BMPR1A: variants seen among roughly 807,000 people sequenced by gnomAD.
BMPR1A encodes the protein bone morphogenetic protein receptor type 1A, also known as bone morphogenetic protein receptor type-1A.
BMPR1A carries 7 observed loss-of-function variants against 66.0 expected under a neutral mutation model. The observed-to-expected ratio is 0.11, with a 90% CI of 0.06 to 0.20. The LOEUF is 0.20. BMPR1A is among the 10% of genes least tolerant of loss of function. BMPR1A has a pLI of 1.00. For synonymous variants in BMPR1A, 200 were observed against 229.7 expected (o/e 0.87, Z 1.17); for missense variants, 408 against 669.1 (o/e 0.61, Z 4.31).
intron 2 of BMPR1A, among the ~76,000 whole-genome samples, chr10:86,874,171 G>T (rs1404843020): frequency 6.6e-6 from 1 of 152,082 alleles, no homozygotes; most frequent in Non-Finnish European, 1.5e-5. Context: ...AAAGTAGAAT[G>T]ATATATATCT....
At position 86,814,934 on chromosome 10, in the gene BMPR1A, C is replaced by T. The variant is rs561740925; in HGVS notation, c.-267-23931C>T. ...CCGAGTAGCTGGGACTATAGGTGCG[C>T]GCCACCATGCTCGGCTAATTTTTGT... On this transcript the variant is annotated intron_variant, in intron 1 of 12. Transcript: ENST00000372037. Among the ~76,000 whole-genome samples the T allele has an allele frequency of 2.1e-4, 32 of 152,114 alleles. No homozygotes were observed. The South Asian group carries it at 5.6e-3, about 27-fold the overall frequency.
At chr10:86,799,506 CTTTCT>C (rs145820527) in intron 1 of BMPR1A, among the ~76,000 whole-genome samples, 5,605 of 64,264 alleles carry the variant, frequency 0.087, 304 homozygotes, top group East Asian at 0.26. Flanking sequence ...TCCTTCCTTC[CTTTCT>C]TTTCTTTTCT....
At chr10:86,792,615 G>A (rs1841643820) in intron 1 of BMPR1A, among the ~76,000 whole-genome samples, 1 of 152,136 alleles carries the variant, frequency 6.6e-6, no homozygotes, top group Non-Finnish European at 1.5e-5. Context: ...GGGCAACATA[G>A]GGAGAATCTG....
intron 1 of BMPR1A, among the ~76,000 whole-genome samples, chr10:86,820,541 C>T (rs1842107815): frequency 6.6e-6 from 1 of 152,146 alleles, no homozygotes. Context: ...TGAGACCTCC[C>T]TCTCATTATC....
chr10:86,863,583 C>T (rs1269712367), intron 2 of BMPR1A, among the ~76,000 whole-genome samples: 1 of 152,100 alleles, frequency 6.6e-6, no homozygotes, highest in East Asian at 1.9e-4. Flanking sequence ...TCGATGTCTC[C>T]CGGGATCTGG....
chr10:86,777,971 C>G (rs1314340077), intron 1 of BMPR1A, among the ~76,000 whole-genome samples: 3 of 150,956 alleles, frequency 2.0e-5, no homozygotes, highest in African/African-American at 7.3e-5. Context: ...CAAGATGGTG[C>G]CATTGCACTC....
chr10:86,760,736 C>G lies in BMPR1A; in HGVS notation c.-268+3817C>G, dbSNP rs1841039811. On this transcript the variant is annotated intron_variant, in intron 1 of 12. Transcript: ENST00000372037. ...AGAGAAAGGAAAATGGGTTTCCTAT[C>G]ACACTAAATTTTGAAGTAGGAACCA... Among the ~76,000 whole-genome samples, 5 of 152,254 alleles carry G rather than the reference C, an allele frequency of 3.3e-5. No individual in the cohort carries two copies. The South Asian group carries it at 1.0e-3, about 32-fold the overall frequency.
At chr10:86,929,632 G>A (rs1190024947), downstream of BMPR1A, 3 of 152,192 alleles carry the variant, frequency 2.0e-5, no homozygotes, top group African/African-American at 7.2e-5. Context: ...GTCATTGTAA[G>A]TTTCTCAGAA....
intron 1 of BMPR1A, among the ~76,000 whole-genome samples, chr10:86,805,606 C>T (rs964940099): frequency 2.0e-5 from 3 of 151,868 alleles, no homozygotes; most frequent in South Asian, 2.1e-4. Flanking sequence ...GGACTACAGG[C>T]GCGTGCCACC....
At chr10:86,793,433 G>A (rs536213611) in intron 1 of BMPR1A, among the ~76,000 whole-genome samples, 39 of 150,418 alleles carry the variant, frequency 2.6e-4, no homozygotes, top group African/African-American at 4.2e-4. Flanking sequence ...GCGTGATCTC[G>A]GCTCTCTGCA....
chr10:86,766,925 G>C (rs976519342), intron 1 of BMPR1A, among the ~76,000 whole-genome samples: 1 of 151,560 alleles, frequency 6.6e-6, no homozygotes, highest in Non-Finnish European at 1.5e-5. Context: ...CCGGATTCAA[G>C]TGATTCTCCT....
intron 2 of BMPR1A, among the ~76,000 whole-genome samples, chr10:86,840,178 A>G (rs972201886): frequency 5.3e-5 from 8 of 152,202 alleles, no homozygotes; most frequent in East Asian, 1.9e-4. Context: ...AGAAATAGAT[A>G]GAATGTATGG....
chr10:86,774,420 A>G (rs191488896), intron 1 of BMPR1A, among the ~76,000 whole-genome samples: 40 of 152,112 alleles, frequency 2.6e-4, no homozygotes, highest in Admixed American at 1.2e-3. Context: ...ATGGTAAAGC[A>G]TGGTAACCCA....
At chr10:86,830,300 T>C (rs546244323) in intron 1 of BMPR1A, among the ~76,000 whole-genome samples, 1 of 152,308 alleles carries the variant, frequency 6.6e-6, no homozygotes, top group South Asian at 2.1e-4. Context: ...GGTTCTTTGC[T>C]AAAACAGGAA....
At chr10:86,877,209 C>CTTT (rs10645210) in intron 3 of BMPR1A, among the ~76,000 whole-genome samples, 32 of 138,406 alleles carry the variant, frequency 2.3e-4, no homozygotes, top group African/African-American at 7.8e-4. Context: ...ATATTTTCAT[C>CTTT]TTTTTTTTTT....
intron 1 of BMPR1A, among the ~76,000 whole-genome samples, chr10:86,773,509 C>G (rs1489749797): frequency 1.3e-5 from 2 of 149,992 alleles, no homozygotes; most frequent in East Asian, 4.1e-4. Context: ...AAGAGAATCA[C>G]TTGAACCCGG....
intron 4 of BMPR1A, 151 bp downstream of exon 4, chr10:86,890,375 A>G: frequency 1.2e-6 from 1 of 836,078 alleles, no homozygotes; most frequent in South Asian, 1.7e-5. Context: ...TTTGTATATT[A>G]GAACATTATT....
chr10:86,847,586 A>G (rs1842505236), intron 2 of BMPR1A, among the ~76,000 whole-genome samples: 1 of 151,806 alleles, frequency 6.6e-6, no homozygotes, highest in Non-Finnish European at 1.5e-5. Flanking sequence ...ACGGTGGCTC[A>G]TGCCTGTAAT....
chr10:86,774,779 A>G (rs546003741), intron 1 of BMPR1A, among the ~76,000 whole-genome samples: 7 of 152,388 alleles, frequency 4.6e-5, no homozygotes, highest in Admixed American at 3.9e-4. Flanking sequence ...CTTAGGGATT[A>G]TATTAGTGTC....
Sources: allele counts gnomAD v4.1 joint callset (sites outside exome capture counted in the v4.1 genomes callset), GRCh38; gene constraint gnomAD v4.1.1; transcripts MANE v1.5; gene names NCBI Gene and HGNC (gene_info 2026-07-23, HGNC 2026-07-21).